The following ST6GALNAC3 variants were observed in gnomAD, a reference collection of about 807,000 sequenced individuals.
ST6GALNAC3 encodes the protein ST6 N-acetylgalactosaminide alpha-2,6-sialyltransferase 3, also known as alpha-N-acetylgalactosaminide alpha-2,6-sialyltransferase 3.
Under a neutral mutation model 32.7 loss-of-function variants are expected in ST6GALNAC3, and 25 were observed. That is an observed-to-expected ratio of 0.76 (90% confidence interval 0.56 to 1.07). The LOEUF (loss-of-function observed/expected upper bound fraction) is 1.07. ST6GALNAC3 is among the 50% of genes least tolerant of loss of function. The probability of loss-of-function intolerance (pLI) is 0.00; values close to 1 mark genes in which losing one functional copy is unlikely to be tolerated. For missense variants in ST6GALNAC3, 355 were observed against 382.4 expected, an observed-to-expected ratio of 0.93 and a Z score of 0.60; for synonymous variants, 129 against 133.1, an observed-to-expected ratio of 0.97 and a Z score of 0.21.
intron 3 of ST6GALNAC3, among the ~76,000 whole-genome samples, chr1:76,598,450 G>A (rs1333943092): frequency 6.6e-6 from 1 of 152,082 alleles, no homozygotes; most frequent in East Asian, 1.9e-4. Context: ...AGCAAGGACT[G>A]GAATATAGCT....
chr1:76,106,146 A>G (rs918136058), intron 1 of ST6GALNAC3, among the ~76,000 whole-genome samples: 3 of 152,284 alleles, frequency 2.0e-5, no homozygotes, highest in Non-Finnish European at 4.4e-5. Flanking sequence ...GGCCTTGAAC[A>G]TAATGAGTGG....
intron 2 of ST6GALNAC3, among the ~76,000 whole-genome samples, chr1:76,357,103 G>C (rs1649520736): frequency 1.6e-5 from 2 of 125,520 alleles, no homozygotes; most frequent in Non-Finnish European, 3.5e-5. Context: ...ATAGCTTAAT[G>C]CTAGTTTTCT....
intron 3 of ST6GALNAC3, among the ~76,000 whole-genome samples, chr1:76,548,512 C>T (rs1055335908): frequency 6.6e-6 from 1 of 152,074 alleles, no homozygotes; most frequent in African/African-American, 2.4e-5. Flanking sequence ...CTTCCATGCC[C>T]CAGGCAGGAT....
At chr1:76,611,843 G>C (rs1002159627) in intron 3 of ST6GALNAC3, among the ~76,000 whole-genome samples, 2 of 152,130 alleles carry the variant, frequency 1.3e-5, no homozygotes, top group Non-Finnish European at 2.9e-5. Context: ...CTTGATTAGA[G>C]AAAAATCTGA....
chr1:76,537,897 A>C (rs1663722897), intron 3 of ST6GALNAC3, among the ~76,000 whole-genome samples: 2 of 152,028 alleles, frequency 1.3e-5, no homozygotes, highest in Admixed American at 6.6e-5. Flanking sequence ...ACCAAAAAAA[A>C]GACCATGACC....
intron 2 of ST6GALNAC3, among the ~76,000 whole-genome samples, chr1:76,404,773 A>G (rs1653697570): frequency 6.6e-6 from 1 of 152,116 alleles, no homozygotes; most frequent in South Asian, 2.1e-4. Flanking sequence ...GTAGTAAATT[A>G]GTGAGTGGTG....
chr1:76,457,746 A>G lies in ST6GALNAC3; in HGVS notation c.623+45329A>G, dbSNP rs1047390449. On this transcript the variant is annotated intron_variant, in intron 3 of 4. Transcript: ENST00000328299. ...ACAAAAATTAATTCAAGCTGGATTA[A>G]AGATTTAAACGTTAGACCTAAAACC... Among the ~76,000 whole-genome samples the G allele has an allele frequency of 5.8e-4, 88 of 152,296 alleles. 1 individual carries two copies. Among genetic ancestry groups the G allele is most frequent in the African/African-American group, 1.8e-3 (73 of 41,562 alleles).
intron 3 of ST6GALNAC3, among the ~76,000 whole-genome samples, chr1:76,540,397 A>G (rs373502885): frequency 4.6e-5 from 7 of 152,024 alleles, no homozygotes; most frequent in East Asian, 3.9e-4. Context: ...GGACGGATCA[A>G]TAGGGTCAGC....
intron 2 of ST6GALNAC3, among the ~76,000 whole-genome samples, chr1:76,325,222 A>ATAT (rs1352747404): frequency 1.3e-5 from 2 of 152,254 alleles, no homozygotes; most frequent in African/African-American, 4.8e-5. Context: ...GCAGGGATGT[A>ATAT]TAAGATACAT....
intron 3 of ST6GALNAC3, among the ~76,000 whole-genome samples, chr1:76,487,099 T>G (rs992167438): frequency 6.6e-5 from 10 of 152,332 alleles, no homozygotes; most frequent in African/African-American, 2.2e-4. Flanking sequence ...AGATCAGCTG[T>G]TAGTCTGATA....
chr1:76,314,622 C>T (rs931890014), intron 2 of ST6GALNAC3, among the ~76,000 whole-genome samples: 7 of 152,094 alleles, frequency 4.6e-5, no homozygotes, highest in African/African-American at 1.2e-4. Context: ...ACTATGCTAG[C>T]GCTTTTGCAA....
At chr1:76,245,983 ATCTG>A (rs1399240231) in intron 1 of ST6GALNAC3, among the ~76,000 whole-genome samples, 1 of 152,122 alleles carries the variant, frequency 6.6e-6, no homozygotes, top group Non-Finnish European at 1.5e-5. Flanking sequence ...TGTGTTGTTG[ATCTG>A]TCTAATATTG....
chr1:76,621,905 A>G (rs1557634101), intron 3 of ST6GALNAC3, among the ~76,000 whole-genome samples: 1 of 152,018 alleles, frequency 6.6e-6, no homozygotes, highest in Admixed American at 6.6e-5. Context: ...CTGAGGTCCA[A>G]TAGTGTTAAA....
Position 76,150,589 on chromosome 1 carries a change from G to C in ST6GALNAC3, c.18+75705G>C, listed in dbSNP as rs572479818. Among the ~76,000 whole-genome samples the C allele has an allele frequency of 2.0e-5, 3 of 152,184 alleles. No individual in the cohort carries two copies. The South Asian group carries it at 6.2e-4, about 32-fold the overall frequency. On this transcript the variant is annotated intron_variant, in intron 1 of 4. Coordinates refer to ENST00000328299, the MANE Select transcript of ST6GALNAC3 (RefSeq NM_152996.4). ...GACTTCAGATTTTCTGTGGGTAGCT[G>C]TAATTTCCTGCAGAACAGTGTCTAC... is the stretch of plus-strand genomic sequence containing the variant.
chr1:76,448,176 G>T (rs1657123142), intron 3 of ST6GALNAC3, among the ~76,000 whole-genome samples: 1 of 152,190 alleles, frequency 6.6e-6, no homozygotes, highest in Non-Finnish European at 1.5e-5. Context: ...GAGACATGGA[G>T]TCAAAGGAGA....
chr1:76,109,276 C>CGG lies in ST6GALNAC3; in HGVS notation c.18+34392_18+34393insGG, dbSNP rs1176076644. 2.6e-5 allele frequency among the ~76,000 whole-genome samples: 4 copies of CGG among 152,146 alleles called. No individual in the cohort carries two copies. The South Asian group carries it at 6.2e-4, about 24-fold the overall frequency. ...CTCCTGGCTACACTCTCCCTACTTC[C>CGG]TCCCCATTAAGAGTAATGGGAGAGT... On this transcript the variant is annotated intron_variant, in intron 1 of 4. Coordinates refer to ENST00000328299, the MANE Select transcript of ST6GALNAC3 (RefSeq NM_152996.4).
chr1:76,105,534 T>C (rs1017279535), intron 1 of ST6GALNAC3, among the ~76,000 whole-genome samples: 8 of 152,194 alleles, frequency 5.3e-5, no homozygotes, highest in African/African-American at 1.7e-4. Flanking sequence ...ATGGGAGAGT[T>C]AGGCCAAGGT....
chr1:76,251,105 C>T (rs878959554), intron 1 of ST6GALNAC3, among the ~76,000 whole-genome samples: 3 of 151,574 alleles, frequency 2.0e-5, no homozygotes, highest in African/African-American at 4.8e-5. Context: ...TTTTTTTTAT[C>T]GCCTTTTCCA....
chr1:76,498,811 GCTGGAAAGTGT>G (rs1439786738), intron 3 of ST6GALNAC3, among the ~76,000 whole-genome samples: 2 of 151,900 alleles, frequency 1.3e-5, no homozygotes, highest in Non-Finnish European at 2.9e-5. Flanking sequence ...AGGTCACTTG[GCTGGAAAGTGT>G]CTGGGAAGAG....
Sources: allele counts gnomAD v4.1 joint callset (sites outside exome capture counted in the v4.1 genomes callset), GRCh38; gene constraint gnomAD v4.1.1; transcripts MANE v1.5; gene names NCBI Gene and HGNC (gene_info 2026-07-23, HGNC 2026-07-21).